The following TMC1 variants were observed in gnomAD, a reference collection of about 807,000 sequenced individuals.
TMC1 encodes the protein transmembrane channel like 1, also known as transmembrane channel-like protein 1.
In TMC1, 84 loss-of-function variants were observed where a neutral mutation model predicts 105.8. That is an observed-to-expected ratio of 0.79 (90% CI 0.67 to 0.95). The LOEUF is 0.95. Among genes scored for constraint, TMC1 ranks in the 40% least tolerant of loss-of-function variants. The pLI, the probability that TMC1 is intolerant of heterozygous loss-of-function variation, is 0.00. For missense variants in TMC1, 817 were observed against 914.1 expected, an observed-to-expected ratio of 0.89 and a Z score of 1.37; for synonymous variants, 315 against 311.5, an observed-to-expected ratio of 1.01 and a Z score of -0.12.
chr9:72,726,733 A>G (rs924067067), intron 8 of TMC1, among the ~76,000 whole-genome samples: 2 of 152,244 alleles, frequency 1.3e-5, no homozygotes, highest in African/African-American at 4.8e-5. Context: ...GAGAAAAACT[A>G]AAGACTTCTA....
At chr9:72,822,017 C>T (rs1040277204) in intron 20 of TMC1, among the ~76,000 whole-genome samples, 1 of 152,170 alleles carries the variant, frequency 6.6e-6, no homozygotes, top group African/African-American at 2.4e-5. Flanking sequence ...CACAACGGCT[C>T]CTTGATCCAA....
At chr9:72,757,876 G>A (rs915361815) in intron 12 of TMC1, among the ~76,000 whole-genome samples, 2 of 152,166 alleles carry the variant, frequency 1.3e-5, no homozygotes, top group Non-Finnish European at 2.9e-5. Flanking sequence ...ACCGAATTGG[G>A]ATGCAGGGCT....
At chr9:72,652,953 C>G (rs1054329869) in intron 5 of TMC1, among the ~76,000 whole-genome samples, 9 of 152,128 alleles carry the variant, frequency 5.9e-5, no homozygotes, top group Middle Eastern at 3.4e-3. Flanking sequence ...CAAAGATAAG[C>G]CTTGTACAAA....
At chr9:72,665,988 C>T (rs1414195278) in intron 5 of TMC1, among the ~76,000 whole-genome samples, 1 of 152,202 alleles carries the variant, frequency 6.6e-6, no homozygotes, top group African/African-American at 2.4e-5. Flanking sequence ...CCTTTGGTTG[C>T]ATCTTCTCTG....
At chr9:72,714,162 C>T (rs1588045869) in intron 8 of TMC1, among the ~76,000 whole-genome samples, 4 of 152,262 alleles carry the variant, frequency 2.6e-5, no homozygotes, top group Admixed American at 2.6e-4. Flanking sequence ...TTTGCATTTG[C>T]TGAGGAGTGT....
At chr9:72,789,484 T>C (rs916276363) in intron 15 of TMC1, among the ~76,000 whole-genome samples, 167 bp downstream of exon 15, 4 of 152,230 alleles carry the variant, frequency 2.6e-5, no homozygotes, top group African/African-American at 9.6e-5. Flanking sequence ...TCTAGTCTTA[T>C]TTCTAAATCT....
At chr9:72,792,101 G>A in intron 16 of TMC1, 36 bp downstream of exon 16, 1 of 1,613,708 alleles carries the variant, frequency 6.2e-7, no homozygotes, top group Non-Finnish European at 8.5e-7. Flanking sequence ...TGCCATAAGA[G>A]TGTTGTTCAA....
chr9:72,824,955 T>C (rs1021972602), intron 20 of TMC1, among the ~76,000 whole-genome samples: 1 of 152,262 alleles, frequency 6.6e-6, no homozygotes, highest in African/African-American at 2.4e-5. Context: ...GCTATCAGTA[T>C]ACTAGGTGCA....
rs200755455 is a variant in TMC1 at position 72,751,835 on chromosome 9, T to C, written c.536-15T>C. On this transcript the variant is annotated splice_polypyrimidine_tract_variant and intron_variant, in intron 10 of 23. Transcript: ENST00000297784. The stretch of plus-strand genomic sequence containing the variant: ...CTTTGATCTCTCTTCAAACTTTTTA[T>C]TTTCTTTGTAATAGGTCAGTTTGGC... 1 of 1,559,344 alleles carries C rather than the reference T, an allele frequency of 6.4e-7. No homozygotes were observed. The highest frequency in any genetic ancestry group is 2.2e-5 in the East Asian group (1 of 44,626).
Position 72,571,919 on chromosome 9 carries a change from C to A in TMC1, c.-427-5983C>A, listed in dbSNP as rs1484397986. Among the ~76,000 whole-genome samples, 4 of 151,880 alleles carry A rather than the reference C, an allele frequency of 2.6e-5. No homozygotes were observed. In the East Asian group the frequency reaches 7.7e-4, roughly 29 times the overall value. On this transcript the variant is annotated intron_variant, in intron 1 of 23. Coordinates refer to ENST00000297784, the MANE Select transcript of TMC1 (RefSeq NM_138691.3). ...TGGCGTAATCTCGGCTCACCGCAAC[C>A]TCTGCCTCCTGGATTCAAGAGATCC... is the stretch of plus-strand genomic sequence containing the variant.
chr9:72,606,216 C>A (rs1255247115), intron 2 of TMC1, among the ~76,000 whole-genome samples: 1 of 152,122 alleles, frequency 6.6e-6, no homozygotes, highest in African/African-American at 2.4e-5. Flanking sequence ...AGTTTCTTCT[C>A]GCTGGAGACT....
chr9:72,601,920 A>T (rs1824823028), intron 2 of TMC1, among the ~76,000 whole-genome samples: 1 of 152,332 alleles, frequency 6.6e-6, no homozygotes, highest in Admixed American at 6.5e-5. Flanking sequence ...AAATATTGGC[A>T]TGTATCTAAT....
intron 17 of TMC1, among the ~76,000 whole-genome samples, chr9:72,802,539 A>G (rs1228319511): frequency 6.6e-6 from 1 of 152,196 alleles, no homozygotes; most frequent in Non-Finnish European, 1.5e-5. Context: ...AACTCACTCA[A>G]AACCACACAA....
intron 1 of TMC1, among the ~76,000 whole-genome samples, chr9:72,569,913 C>T (rs1022560078): frequency 1.3e-5 from 2 of 152,214 alleles, no homozygotes; most frequent in African/African-American, 2.4e-5. Flanking sequence ...GAAGAAGAAC[C>T]GATCTGTAAG....
chr9:72,669,847 T>C (rs1826101586), intron 5 of TMC1, among the ~76,000 whole-genome samples: 1 of 152,164 alleles, frequency 6.6e-6, no homozygotes. Context: ...AAGATATATA[T>C]AGCAACAGTT....
At chr9:72,815,240 A>G (rs1828765477) in intron 18 of TMC1, among the ~76,000 whole-genome samples, 1 of 152,064 alleles carries the variant, frequency 6.6e-6, no homozygotes, top group South Asian at 2.1e-4. Context: ...AAGCCTTTAG[A>G]TGGGCCACCC....
intron 17 of TMC1, among the ~76,000 whole-genome samples, chr9:72,794,122 G>T (rs1387396982): frequency 1.3e-5 from 2 of 151,752 alleles, no homozygotes; most frequent in Non-Finnish European, 2.9e-5. Flanking sequence ...CCCCAGCTCG[G>T]ACCCACAACA....
At chr9:72,559,278 T>C (rs778807234) in intron 1 of TMC1, among the ~76,000 whole-genome samples, 1 of 152,126 alleles carries the variant, frequency 6.6e-6, no homozygotes, top group Non-Finnish European at 1.5e-5. Flanking sequence ...GTATTTTTAG[T>C]ACAGATGGGT....
intron 1 of TMC1, among the ~76,000 whole-genome samples, chr9:72,525,097 A>G (rs962534824): frequency 5.3e-5 from 8 of 152,222 alleles, no homozygotes; most frequent in Admixed American, 3.3e-4. Flanking sequence ...ATGTATGCCT[A>G]TTCTTTTAAA....
Sources: gnomAD v4.1 joint callset for allele counts (sites outside exome capture counted in the v4.1 genomes callset) on GRCh38, gnomAD v4.1.1 for gene constraint, MANE v1.5 for transcripts, NCBI Gene and HGNC (gene_info 2026-07-23, HGNC 2026-07-21) for gene names.